Variants in MAML3 observed in about 807,000 individuals in gnomAD.
The protein encoded by MAML3 is mastermind like transcriptional coactivator 3, also known as mastermind-like protein 3.
Under a neutral mutation model 101.9 loss-of-function variants are expected in MAML3, and 27 were observed. That is an observed-to-expected ratio of 0.27 (90% CI 0.20 to 0.37). The LOEUF (loss-of-function observed/expected upper bound fraction) is 0.37, where lower values mean the gene tolerates loss of function less well. Ranked by LOEUF, MAML3 falls within the 10% of genes least tolerant of loss-of-function variation. The pLI, the probability that MAML3 is intolerant of heterozygous loss-of-function variation, is 1.00. For missense variants in MAML3, 1,316 were observed against 1,444.9 expected (o/e 0.91, Z 1.45); for synonymous variants, 501 against 555.9 (o/e 0.90, Z 1.39).
At chr4:139,970,329 G>A (rs13434978) in intron 1 of MAML3, among the ~76,000 whole-genome samples, 47,864 of 152,006 alleles carry the variant, frequency 0.31, 8,372 homozygotes, top group East Asian at 0.62. Flanking sequence ...GCTGGAAGTA[G>A]GAAATGCTTG....
chr4:139,878,435 T>G (rs1732153719), intron 2 of MAML3, among the ~76,000 whole-genome samples: 1 of 152,234 alleles, frequency 6.6e-6, no homozygotes, highest in Non-Finnish European at 1.5e-5. Context: ...TGTTTTGGTA[T>G]CTTGCTTTGG....
chr4:139,845,539 G>A (rs370485962), intron 2 of MAML3, among the ~76,000 whole-genome samples: 6 of 152,250 alleles, frequency 3.9e-5, no homozygotes, highest in East Asian at 3.9e-4. Context: ...TTTCATGATT[G>A]TACTAAGATC....
At chr4:140,089,161 A>T (rs570379938) in intron 1 of MAML3, among the ~76,000 whole-genome samples, 25 of 152,348 alleles carry the variant, frequency 1.6e-4, no homozygotes, top group African/African-American at 5.3e-4. Context: ...ACCAGCAAAG[A>T]TATGGATGTG....
At chr4:140,008,490 G>A (rs1189432820) in intron 1 of MAML3, among the ~76,000 whole-genome samples, 2 of 152,180 alleles carry the variant, frequency 1.3e-5, no homozygotes, top group Admixed American at 1.3e-4. Flanking sequence ...TCAGGAACAC[G>A]GTTTACAGCC....
chr4:139,848,748 G>GA (rs1487309788), intron 2 of MAML3, among the ~76,000 whole-genome samples: 3 of 152,342 alleles, frequency 2.0e-5, no homozygotes, highest in Non-Finnish European at 4.4e-5. Context: ...TTTTAGCTAT[G>GA]AAATAGGTGG....
At chr4:140,018,636 A>G (rs940124031) in intron 1 of MAML3, among the ~76,000 whole-genome samples, 3 of 152,178 alleles carry the variant, frequency 2.0e-5, no homozygotes, top group Non-Finnish European at 4.4e-5. Context: ...CATCCACAAG[A>G]ATTTTTGGAA....
rs558604025 is a variant in MAML3 at position 140,137,469 on chromosome 4, T to C, written c.468+15391A>G. ...ATATTTTTCTAAGCAATCCTCTTGC[T>C]TCTTCCTCTTACAGTCTCATTCCTG... is the stretch of plus-strand genomic sequence containing the variant. On this transcript the variant is annotated intron_variant, in intron 1 of 4. Coordinates refer to ENST00000509479, the MANE Select transcript of MAML3 (RefSeq NM_018717.5). Among the ~76,000 whole-genome samples the C allele has an allele frequency of 3.3e-5, 5 of 152,368 alleles. No individual in the cohort carries two copies. The East Asian group carries it at 9.6e-4, about 29-fold the overall frequency.
intron 1 of MAML3, among the ~76,000 whole-genome samples, chr4:139,923,480 A>G (rs1733166248): frequency 6.6e-6 from 1 of 152,170 alleles, no homozygotes; most frequent in Non-Finnish European, 1.5e-5. Context: ...GAACAGCCTC[A>G]TTATCTCAGG....
At chr4:140,120,012 C>T (rs1310605088) in intron 1 of MAML3, among the ~76,000 whole-genome samples, 1 of 151,730 alleles carries the variant, frequency 6.6e-6, no homozygotes, top group East Asian at 1.9e-4. Context: ...CCGAGGCAGG[C>T]GGATCACGAG....
chr4:139,803,174 T>C (rs1287875540), intron 2 of MAML3, among the ~76,000 whole-genome samples: 1 of 152,172 alleles, frequency 6.6e-6, no homozygotes, highest in Non-Finnish European at 1.5e-5. Flanking sequence ...GAGAATTGCT[T>C]GAGCCTGAGA....
At chr4:139,947,816 C>T (rs1197511010) in intron 1 of MAML3, among the ~76,000 whole-genome samples, 1 of 151,932 alleles carries the variant, frequency 6.6e-6, no homozygotes, top group African/African-American at 2.4e-5. Flanking sequence ...TAAAAGCTAC[C>T]ACTTGCTGGG....
rs189580076 is a variant in MAML3 at position 139,879,130 on chromosome 4, C to A, written c.2079+10227G>T. Among the ~76,000 whole-genome samples the A allele has an allele frequency of 2.5e-3, 377 of 152,280 alleles. 6 individuals are homozygous for A. The highest frequency in any genetic ancestry group is 0.015 in the South Asian group (71 of 4,822). On this transcript the variant is annotated intron_variant, in intron 2 of 4. Coordinates refer to ENST00000509479, the MANE Select transcript of MAML3 (RefSeq NM_018717.5). The stretch of plus-strand genomic sequence containing the variant: ...TACAAATATTTAGCAATGAAATAAA[C>A]ACAGGCTGCTTGAACTGCAGTCTCA...
chr4:139,762,916 C>T (rs75000538), intron 2 of MAML3, among the ~76,000 whole-genome samples: 3,776 of 152,204 alleles, frequency 0.025, 83 homozygotes, highest in South Asian at 0.034. Context: ...GGTGCGTGTG[C>T]ATATTTCGTG....
intron 1 of MAML3, among the ~76,000 whole-genome samples, chr4:139,934,371 AAAAT>A (rs1216408864): frequency 3.9e-5 from 6 of 151,960 alleles, no homozygotes; most frequent in Non-Finnish European, 5.9e-5. Context: ...GAAAAGGAGA[AAAAT>A]AAAAGGGAAA....
At chr4:139,766,963 G>A (rs1427318013) in intron 2 of MAML3, among the ~76,000 whole-genome samples, 2 of 152,212 alleles carry the variant, frequency 1.3e-5, no homozygotes, top group African/African-American at 4.8e-5. Flanking sequence ...GGGGGTAACA[G>A]TATGTGTTCC....
intron 2 of MAML3, among the ~76,000 whole-genome samples, chr4:139,863,747 G>A (rs755477422): frequency 2.7e-5 from 4 of 149,936 alleles, no homozygotes; most frequent in Non-Finnish European, 5.9e-5. Context: ...CTCTACAAAT[G>A]TAACAAGTTA....
chr4:139,996,085 T>A (rs1734806355), intron 1 of MAML3, among the ~76,000 whole-genome samples: 1 of 152,176 alleles, frequency 6.6e-6, no homozygotes, highest in African/African-American at 2.4e-5. Context: ...TATTATTGAT[T>A]TATTATTTAA....
intron 2 of MAML3, among the ~76,000 whole-genome samples, chr4:139,746,736 T>C (rs1729336160): frequency 6.6e-6 from 1 of 152,186 alleles, no homozygotes; most frequent in African/African-American, 2.4e-5. Context: ...TCCTCCTCTC[T>C]CCCTTTCTAA....
intron 2 of MAML3, among the ~76,000 whole-genome samples, chr4:139,770,022 C>T (rs755660564): frequency 2.2e-4 from 34 of 151,708 alleles, no homozygotes; most frequent in Non-Finnish European, 4.0e-4. Flanking sequence ...TGGGTTCAGG[C>T]GATCCTCCTA....
Sources: allele counts gnomAD v4.1 joint callset (sites outside exome capture counted in the v4.1 genomes callset), GRCh38; gene constraint gnomAD v4.1.1; transcripts MANE v1.5; gene names NCBI Gene and HGNC (gene_info 2026-07-23, HGNC 2026-07-21).